CREB5: variants seen among roughly 807,000 people sequenced by gnomAD.
CREB5 encodes the protein cAMP responsive element binding protein 5, also known as cyclic AMP-responsive element-binding protein 5.
A neutral mutation model predicts 57.1 loss-of-function variants in CREB5; 19 were observed. That is an observed-to-expected ratio of 0.33 (90% CI 0.23 to 0.49). The LOEUF (loss-of-function observed/expected upper bound fraction) is 0.49, where lower values mean the gene tolerates loss of function less well. Among genes scored for constraint, CREB5 ranks in the 20% least tolerant of loss-of-function variants. The pLI is 0.99. For missense variants in CREB5, 579 were observed against 671.6 expected (o/e 0.86, Z 1.52); for synonymous variants, 238 against 238.3 (o/e 1.00, Z 0.01).
chr7:28,817,724 G>T (rs1226250183), intron 9 of CREB5, among the ~76,000 whole-genome samples: 1 of 152,098 alleles, frequency 6.6e-6, no homozygotes, highest in African/African-American at 2.4e-5. Context: ...TTATAACGAG[G>T]TTGCTGGAGC....
At chr7:28,772,900 C>T (rs1282896959) in intron 7 of CREB5, among the ~76,000 whole-genome samples, 1 of 152,074 alleles carries the variant, frequency 6.6e-6, no homozygotes, top group African/African-American at 2.4e-5. Flanking sequence ...TCTGGCCTAC[C>T]ACTTTGCTAC....
chr7:28,459,906 T>C (rs997342462), intron 1 of CREB5, among the ~76,000 whole-genome samples: 1 of 152,208 alleles, frequency 6.6e-6, no homozygotes, highest in Non-Finnish European at 1.5e-5. Context: ...ATTATCCCCA[T>C]TTTATAGATG....
chr7:28,423,767 C>A (rs1388662089), intron 1 of CREB5, among the ~76,000 whole-genome samples: 1 of 152,152 alleles, frequency 6.6e-6, no homozygotes, highest in Non-Finnish European at 1.5e-5. Flanking sequence ...CTGAAAGGTA[C>A]AGTGCATTAT....
chr7:28,507,487 C>T (rs1284669611), intron 3 of CREB5, 129 bp from the exon 4 acceptor site: 2 of 1,099,980 alleles, frequency 1.8e-6, no homozygotes, highest in Non-Finnish European at 2.5e-6. Flanking sequence ...ATTTAAAGGG[C>T]CAAGAGACTG....
intron 7 of CREB5, among the ~76,000 whole-genome samples, chr7:28,746,518 G>A (rs1202990313): frequency 6.6e-6 from 1 of 152,196 alleles, no homozygotes; most frequent in Non-Finnish European, 1.5e-5. Flanking sequence ...TAGCTCGCAA[G>A]CACATTAAGC....
chr7:28,334,808 T>C lies in CREB5; in HGVS notation c.-25+35367T>C, dbSNP rs558116889. The stretch of plus-strand genomic sequence containing the variant: ...CCAATGTCCTGGAGAGTTTCCATGA[T>C]GTTTTTCTTAGTAGTTTCATAGTTT... On this transcript the variant is annotated intron_variant, in intron 1 of 9. Coordinates refer to the CREB5 transcript ENST00000396299. Among the ~76,000 whole-genome samples, 30 of 152,312 alleles carry C rather than the reference T, an allele frequency of 2.0e-4. No individual in the cohort carries two copies. In the South Asian group the frequency reaches 6.2e-3, roughly 32 times the overall value.
chr7:28,408,278 G>T (rs1787632951), upstream of CREB5, among the ~76,000 whole-genome samples: 1 of 152,226 alleles, frequency 6.6e-6, no homozygotes, highest in African/African-American at 2.4e-5. Flanking sequence ...GGGAAATCAC[G>T]TGGTCGCAAG....
chr7:28,590,897 C>T (rs1796486968), intron 5 of CREB5, among the ~76,000 whole-genome samples: 1 of 152,042 alleles, frequency 6.6e-6, no homozygotes, highest in African/African-American at 2.4e-5. Context: ...TTATCATCAT[C>T]GTTATCACTA....
chr7:28,488,709 C>A (rs1791675608), intron 2 of CREB5, among the ~76,000 whole-genome samples: 1 of 152,214 alleles, frequency 6.6e-6, no homozygotes, highest in Non-Finnish European at 1.5e-5. Context: ...CTCCCTATAA[C>A]TCTTCTAGAG....
intron 1 of CREB5, among the ~76,000 whole-genome samples, chr7:28,401,221 T>C (rs1411952854): frequency 6.6e-6 from 1 of 152,074 alleles, no homozygotes; most frequent in African/African-American, 2.4e-5. Context: ...CTCTTTGAGA[T>C]AGGTGAAGCT....
At chr7:28,683,151 G>GC (rs1800686439) in intron 5 of CREB5, among the ~76,000 whole-genome samples, 1 of 152,162 alleles carries the variant, frequency 6.6e-6, no homozygotes, top group South Asian at 2.1e-4. Context: ...TATCTACGAA[G>GC]CCCCCCTTCT....
chr7:28,783,198 A>G (rs542783671), intron 7 of CREB5, among the ~76,000 whole-genome samples: 49 of 152,308 alleles, frequency 3.2e-4, no homozygotes, highest in African/African-American at 1.1e-3. Flanking sequence ...TACAGCCTCA[A>G]AAATCACATT....
chr7:28,533,039 G>C (rs1161746837), intron 4 of CREB5, among the ~76,000 whole-genome samples: 1 of 152,172 alleles, frequency 6.6e-6, no homozygotes, highest in Non-Finnish European at 1.5e-5. Context: ...CTTGGATCAT[G>C]AGGTCAGGAG....
At chr7:28,463,187 T>G (rs925340794) in intron 1 of CREB5, among the ~76,000 whole-genome samples, 3 of 152,122 alleles carry the variant, frequency 2.0e-5, no homozygotes, top group Non-Finnish European at 2.9e-5. Flanking sequence ...GAAAAGATTG[T>G]TTTTTTCTTT....
chr7:28,813,045 G>A (rs920418644), intron 9 of CREB5, among the ~76,000 whole-genome samples: 1 of 152,092 alleles, frequency 6.6e-6, no homozygotes, highest in African/African-American at 2.4e-5. Context: ...CTGCCCAAGA[G>A]GTCAAAAAAG....
chr7:28,585,422 C>T (rs1796270065), intron 5 of CREB5, among the ~76,000 whole-genome samples: 1 of 152,228 alleles, frequency 6.6e-6, no homozygotes, highest in African/African-American at 2.4e-5. Context: ...AGCTTAATCA[C>T]TGAGAAATTT....
At chr7:28,339,951 C>T (rs1027360187) in intron 1 of CREB5, among the ~76,000 whole-genome samples, 8 of 152,196 alleles carry the variant, frequency 5.3e-5, no homozygotes, top group Non-Finnish European at 8.8e-5. Flanking sequence ...GTCATGCTAC[C>T]GCCAATGTTC....
intron 1 of CREB5, among the ~76,000 whole-genome samples, chr7:28,401,346 T>C (rs1348600006): frequency 6.6e-6 from 1 of 152,006 alleles, no homozygotes; most frequent in Non-Finnish European, 1.5e-5. Flanking sequence ...CCAGATGAGG[T>C]TCCCCAAGCT....
At chr7:28,778,736 T>G (rs1430069090) in intron 7 of CREB5, among the ~76,000 whole-genome samples, 2 of 152,112 alleles carry the variant, frequency 1.3e-5, no homozygotes, top group Non-Finnish European at 2.9e-5. Flanking sequence ...ATTAATAGGA[T>G]CCAGAATATT....
Sources: allele counts gnomAD v4.1 joint callset (sites outside exome capture counted in the v4.1 genomes callset), GRCh38; gene constraint gnomAD v4.1.1; transcripts MANE v1.5; gene names NCBI Gene and HGNC (gene_info 2026-07-23, HGNC 2026-07-21).